ZPBP: variants seen among roughly 807,000 people sequenced by gnomAD.
ZPBP encodes the protein zona pellucida binding protein.
Under a neutral mutation model 44.8 loss-of-function variants are expected in ZPBP, and 26 were observed. That is an observed-to-expected ratio of 0.58 (90% CI 0.43 to 0.81). The LOEUF (loss-of-function observed/expected upper bound fraction) is 0.81. Ranked by LOEUF, ZPBP falls within the 30% of genes least tolerant of loss-of-function variation. The pLI is 0.00. For synonymous variants in ZPBP, 174 were observed against 153.2 expected, an observed-to-expected ratio of 1.14 and a Z score of -1.00; for missense variants, 409 against 434.0, an observed-to-expected ratio of 0.94 and a Z score of 0.51.
intron 3 of ZPBP, among the ~76,000 whole-genome samples, chr7:50,062,986 G>T (rs150055702): frequency 6.6e-6 from 1 of 151,796 alleles, no homozygotes; most frequent in Non-Finnish European, 1.5e-5. Flanking sequence ...TTTGTGGGGT[G>T]GGGGGAGATC....
intron 6 of ZPBP, among the ~76,000 whole-genome samples, chr7:49,994,482 A>G (rs1454563348): frequency 6.6e-6 from 1 of 152,196 alleles, no homozygotes; most frequent in East Asian, 1.9e-4. Context: ...CCTCCATCTG[A>G]TAACAGTATT....
chr7:49,873,302 C>T (rs1390553574), intron 2 of ZPBP, among the ~76,000 whole-genome samples: 2 of 152,144 alleles, frequency 1.3e-5, no homozygotes, highest in Non-Finnish European at 2.9e-5. Flanking sequence ...TGGTGAGGGC[C>T]TGCTTCCTGG....
At chr7:50,092,265 A>G (rs1307919333) in intron 1 of ZPBP, among the ~76,000 whole-genome samples, 6 of 152,226 alleles carry the variant, frequency 3.9e-5, no homozygotes, top group Non-Finnish European at 8.8e-5. Flanking sequence ...TTATAGAAGA[A>G]TAATCTTTGG....
intron 2 of ZPBP, among the ~76,000 whole-genome samples, chr7:49,871,908 A>AAC (rs72332840): frequency 0.031 from 2,717 of 87,824 alleles, 53 homozygotes; most frequent in African/African-American, 0.05. Flanking sequence ...TGTGTATATA[A>AAC]ACACACACAC....
At chr7:49,939,390 T>C (rs1483090) in intron 7 of ZPBP, among the ~76,000 whole-genome samples, 113,885 of 152,074 alleles carry the variant, frequency 0.75, 42,883 homozygotes, top group East Asian at 0.89. Context: ...ATGACATGTG[T>C]AACATCATAT....
intron 2 of ZPBP, among the ~76,000 whole-genome samples, chr7:49,885,443 CTTA>C (rs1244459605): frequency 6.6e-6 from 1 of 151,550 alleles, no homozygotes; most frequent in Non-Finnish European, 1.5e-5. Flanking sequence ...GAAAATTGCA[CTTA>C]TTGATACAGA....
chr7:49,917,906 A>G (rs964453167), intron 1 of ZPBP: 1 of 152,000 alleles, frequency 6.6e-6, no homozygotes, highest in African/African-American at 2.4e-5. Context: ...ATACAATTCT[A>G]TTTTCATTTC....
At chr7:49,951,126 AG>A (rs1382121181) in intron 7 of ZPBP, among the ~76,000 whole-genome samples, 8 of 151,840 alleles carry the variant, frequency 5.3e-5, no homozygotes, top group Admixed American at 1.3e-4. Context: ...ACTTTGAAAA[AG>A]ATATAGGGGT....
chr7:49,931,224 G>A (rs942249059), intron 1 of ZPBP, among the ~76,000 whole-genome samples: 1 of 152,160 alleles, frequency 6.6e-6, no homozygotes. Flanking sequence ...ACAGTACATT[G>A]GTACTGGGAG....
intron 7 of ZPBP, among the ~76,000 whole-genome samples, chr7:49,961,893 A>G (rs1208009577): frequency 6.6e-6 from 1 of 152,060 alleles, no homozygotes; most frequent in African/African-American, 2.4e-5. Flanking sequence ...ATTTTCTTTC[A>G]ATGGATGATA....
At chr7:50,077,384 T>C (rs919158586) in intron 3 of ZPBP, among the ~76,000 whole-genome samples, 2 of 151,326 alleles carry the variant, frequency 1.3e-5, no homozygotes, top group African/African-American at 4.8e-5. Flanking sequence ...CCAAAGAAAA[T>C]ACAGACAAAT....
At chr7:49,888,621 G>A (rs1191397854) in intron 2 of ZPBP, among the ~76,000 whole-genome samples, 2 of 152,092 alleles carry the variant, frequency 1.3e-5, no homozygotes, top group Non-Finnish European at 2.9e-5. Flanking sequence ...TTTATGAAGT[G>A]CACCTTTTGC....
chr7:49,925,141 G>A (rs1794185339), intron 1 of ZPBP, among the ~76,000 whole-genome samples: 1 of 152,202 alleles, frequency 6.6e-6, no homozygotes, highest in Admixed American at 6.5e-5. Flanking sequence ...GTGCTGAGAA[G>A]TGGTCTAAGT....
intron 1 of ZPBP, among the ~76,000 whole-genome samples, chr7:49,930,186 C>T (rs533160724): frequency 2.8e-4 from 43 of 152,102 alleles, no homozygotes; most frequent in Non-Finnish European, 4.9e-4. Context: ...ACAAGTAGTC[C>T]GAGGCCAGGA....
In ZPBP at chr7:50,065,531, A is replaced by G. The variant is rs1801462497; in HGVS notation, c.335-7390T>C. ...TTATCAGGCGATACAGTACTTTTCAATTATGGAGGTTTTTAACAACTAAAC... is the reference window on the plus strand; with the variant it reads ...TTATCAGGCGATACAGTACTTTTCAGTTATGGAGGTTTTTAACAACTAAAC... On this transcript the variant is annotated intron_variant, in intron 3 of 7. Transcript: ENST00000046087. Among the ~76,000 whole-genome samples, 8 of 150,850 alleles carry G rather than the reference A, an allele frequency of 5.3e-5. 1 individual carries two copies. Among genetic ancestry groups the G allele is most frequent in the Admixed American group, 5.3e-4 (8 of 15,182 alleles).
chr7:50,087,491 A>G (rs1802722118), intron 2 of ZPBP, among the ~76,000 whole-genome samples: 1 of 152,038 alleles, frequency 6.6e-6, no homozygotes, highest in South Asian at 2.1e-4. Context: ...TCAACAAACT[A>G]GGAATTGAGG....
chr7:49,895,395 T>C (rs1051595231), intron 2 of ZPBP, among the ~76,000 whole-genome samples: 26 of 152,174 alleles, frequency 1.7e-4, no homozygotes, highest in African/African-American at 6.0e-4. Context: ...GATCACAGCA[T>C]TGTGCATCAG....
At chr7:49,953,678 T>C (rs1215976119) in intron 7 of ZPBP, among the ~76,000 whole-genome samples, 2 of 152,062 alleles carry the variant, frequency 1.3e-5, no homozygotes, top group African/African-American at 4.8e-5. Context: ...TGTTGGAATC[T>C]AAACAAAGAT....
In ZPBP at chr7:50,058,080, C is replaced by T. The variant is rs1335710424; in HGVS notation, c.396G>A (p.Glu132=). Residue 132 remains glutamate (E), a synonymous_variant, in exon 4 of 8, where the codon GAG becomes GAA. Coordinates refer to ENST00000046087, the MANE Select transcript of ZPBP (RefSeq NM_007009.3). ...TGSLVFQNFE[E]SMSGIYTCFL... is the part of the protein sequence containing the mutation. ...AACATGTATAAATTCCACTCATACT[C>T]TCCTCAAAATTTTGGAATACAAGGC... 6.2e-7 allele frequency: 1 copy of T among 1,613,718 alleles called. No individual in the cohort carries two copies. The highest frequency in any genetic ancestry group is 1.3e-5 in the African/African-American group (1 of 74,912).
Sources: gnomAD v4.1 joint callset for allele counts (sites outside exome capture counted in the v4.1 genomes callset) on GRCh38, gnomAD v4.1.1 for gene constraint, MANE v1.5 for transcripts, NCBI Gene and HGNC (gene_info 2026-07-23, HGNC 2026-07-21) for gene names.